The following ASH2L variants were observed in gnomAD, a reference collection of about 807,000 sequenced individuals.
ASH2L encodes ASH2 like, histone lysine methyltransferase complex subunit, also known as set1/Ash2 histone methyltransferase complex subunit ASH2.
A neutral mutation model predicts 81.1 loss-of-function variants in ASH2L; 30 were observed. That is an observed-to-expected ratio of 0.37 (90% CI 0.28 to 0.50). The LOEUF (loss-of-function observed/expected upper bound fraction) is 0.50. Among genes scored for constraint, ASH2L ranks in the 20% least tolerant of loss-of-function variants. ASH2L has a pLI of 0.95. For missense variants in ASH2L, 559 were observed against 792.1 expected (o/e 0.71, Z 3.53); for synonymous variants, 273 against 279.9 (o/e 0.98, Z 0.24).
At chr8:38,133,584 C>T (rs1230884016) in intron 13 of ASH2L, 38 bp downstream of exon 13, 1 of 1,472,392 alleles carries the variant, frequency 6.8e-7, no homozygotes. Context: ...ATCATAAGGC[C>T]TTGAGCGTTA....
rs940388451 is a variant in ASH2L, at chr8:38,120,156, A to G, written c.948-776A>G. The stretch of plus-strand genomic sequence containing the variant: ...CAAAACAAACCCAAGTTTAAGTGTC[A>G]TGTTTTACATTTAAGTGTACATACA... On this transcript the variant is annotated intron_variant, in intron 9 of 15. Transcript: ENST00000343823. Among the ~76,000 whole-genome samples, 28 of 152,162 alleles carry G rather than the reference A, an allele frequency of 1.8e-4. 1 individual carries two copies. Among genetic ancestry groups the G allele is most frequent in the Non-Finnish European group, 5.9e-5 (4 of 68,034 alleles).
intron 15 of ASH2L, 21 bp from the exon 16 acceptor site, chr8:38,138,943 T>C (rs759958309): frequency 6.2e-7 from 1 of 1,613,630 alleles, no homozygotes; most frequent in East Asian, 2.2e-5. Flanking sequence ...CACCGTGTTC[T>C]GTTTCTCATT....
At chr8:38,117,516 T>G (rs1810956456) in intron 8 of ASH2L, 2 of 982,508 alleles carry the variant, frequency 2.0e-6, no homozygotes, top group Middle Eastern at 5.2e-4. Flanking sequence ...CTTAAGTATT[T>G]TGTGGTTTGG....
In ASH2L at chr8:38,107,152, T is replaced by C. The variant is rs916238831; in HGVS notation, c.387T>C (p.Phe129=). ...CAAAATGGTTCACGGCTGACACATT[T>C]GGCATAGATACCTCGTGAGTACTTT... ...ICTKWFTADT[F]GIDTSSCLPF... Residue 129 remains phenylalanine, a synonymous_variant, in exon 3 of 16, where the codon TTT becomes TTC. Transcript: ENST00000343823. 3.7e-6 allele frequency: 6 copies of C among 1,614,154 alleles called. No homozygotes were observed. Among genetic ancestry groups the C allele is most frequent in the Non-Finnish European group, 3.4e-6 (4 of 1,180,014 alleles).
At chr8:38,135,636 G>A in intron 13 of ASH2L, 32 bp from the exon 14 acceptor site, 1 of 1,504,432 alleles carries the variant, frequency 6.6e-7, no homozygotes, top group Non-Finnish European at 9.2e-7. Flanking sequence ...CTTTTTTACA[G>A]TTCTGAAGTA....
chr8:38,124,403 C>CCT (rs1486911815), intron 10 of ASH2L: 1 of 152,074 alleles, frequency 6.6e-6, no homozygotes, highest in Non-Finnish European at 1.5e-5. Context: ...GACAAAGTCT[C>CCT]CTTCACTGTG....
chr8:38,127,142 A>G (rs1289612462), intron 10 of ASH2L, among the ~76,000 whole-genome samples: 1 of 143,490 alleles, frequency 7.0e-6, no homozygotes. Context: ...AGCCTGAGCA[A>G]CAGCATGAGA....
At chr8:38,106,059 G>C in intron 1 of ASH2L, 1 of 1,525,334 alleles carries the variant, frequency 6.6e-7, no homozygotes, top group East Asian at 2.5e-5. Context: ...GTGCCAGACT[G>C]GAAGAAGTAA....
At chr8:38,132,135 C>T (rs1013206799) in intron 12 of ASH2L, among the ~76,000 whole-genome samples, 5 of 152,176 alleles carry the variant, frequency 3.3e-5, no homozygotes, top group Non-Finnish European at 5.9e-5. Context: ...GCGTGAGCCA[C>T]TGCGCTCGGC....
In ASH2L at chr8:38,121,139, A is replaced by C. The variant is rs1236596079; in HGVS notation, c.1155A>C (p.Leu385=). 6.2e-7 allele frequency: 1 copy of C among 1,613,332 alleles called. No individual in the cohort carries two copies. The highest frequency in any genetic ancestry group is 1.7e-5 in the Admixed American group (1 of 59,936). Reference sequence around the variant, plus strand: ...TGTATGAACGGGTTTTGTTAGCCCTACATGATCGAGGTATGTAAAGTATTG... The same window carrying C: ...TGTATGAACGGGTTTTGTTAGCCCTCCATGATCGAGGTATGTAAAGTATTG... ...ACLYERVLLA[L]HDRAPQLKIS... The change falls in exon 10 of 16, where the codon CTA becomes CTC. Residue 385 remains leucine (L), a synonymous_variant. Coordinates refer to ENST00000343823, the MANE Select transcript of ASH2L (RefSeq NM_004674.5).
At chr8:38,130,245 T>A (rs1802003649) in intron 12 of ASH2L, among the ~76,000 whole-genome samples, 1 of 149,272 alleles carries the variant, frequency 6.7e-6, no homozygotes, top group Non-Finnish European at 1.5e-5. Flanking sequence ...TTTTTTTTTT[T>A]TAAGTTTAAA....
chr8:38,112,417 C>G (rs983023797), intron 5 of ASH2L, among the ~76,000 whole-genome samples: 3 of 151,734 alleles, frequency 2.0e-5, no homozygotes, highest in Admixed American at 2.0e-4. Context: ...TGATTATGTT[C>G]AGGTTAAACT....
intron 13 of ASH2L, 86 bp downstream of exon 13, chr8:38,133,632 G>A (rs2130575935): frequency 1.8e-6 from 2 of 1,081,788 alleles, no homozygotes; most frequent in African/African-American, 1.6e-5. Context: ...GGAACACGAG[G>A]CCCAAAGGGG....
In ASH2L at chr8:38,105,756, C is replaced by G. The variant is rs1208244777; in HGVS notation, c.188+18C>G. 6.6e-7 allele frequency: 1 copy of G among 1,504,548 alleles called. No homozygotes were observed. Among genetic ancestry groups the G allele is most frequent in the Non-Finnish European group, 8.8e-7 (1 of 1,130,246 alleles). The allele number at this position is 1,504,548 out of a possible 1,614,324, so 93.2% of individuals were successfully genotyped here. A position where few individuals can be genotyped will look rare whatever the true frequency, so the allele number is the denominator to read the frequency against. On this transcript the variant is annotated intron_variant, in intron 1 of 15. Coordinates refer to ENST00000343823, the MANE Select transcript of ASH2L (RefSeq NM_004674.5). ...GAAGGCGGGTAAGAGGTCCTGCCGCCCGAGGAAGACGCGGGAGGGAGGCCC... is the reference window on the plus strand; with the variant it reads ...GAAGGCGGGTAAGAGGTCCTGCCGCGCGAGGAAGACGCGGGAGGGAGGCCC...
chr8:38,110,329 G>A, intron 3 of ASH2L, 50 bp from the exon 4 acceptor site: 1 of 1,372,004 alleles, frequency 7.3e-7, no homozygotes, highest in Non-Finnish European at 1.0e-6. Flanking sequence ...AGAAAAAGAA[G>A]TGTGTGTGTT....
At chr8:38,106,532 G>A in intron 2 of ASH2L, 88 bp downstream of exon 2, 1 of 1,158,376 alleles carries the variant, frequency 8.6e-7, no homozygotes, top group Non-Finnish European at 1.2e-6. Context: ...TGTTGCGACG[G>A]AGCCTTGCTC....
intron 12 of ASH2L, among the ~76,000 whole-genome samples, chr8:38,130,030 A>G (rs999308568): frequency 6.6e-6 from 1 of 152,160 alleles, no homozygotes; most frequent in Non-Finnish European, 1.5e-5. Flanking sequence ...AGTTGCTGAC[A>G]TTTATGATTG....
Position 38,139,311 on chromosome 8 carries a change from A to G in ASH2L, c.*240A>G. 1 of 449,626 alleles carries G rather than the reference A, an allele frequency of 2.2e-6. No individual in the cohort carries two copies. The highest frequency in any genetic ancestry group is 4.3e-5 in the South Asian group (1 of 23,498). The allele number at this position is 449,626 out of a possible 1,614,324, so 27.9% of individuals were successfully genotyped here. ...CAACAACCGCTGACTCCAGGATTGC[A>G]TAAGCCCCCTGTGAAATCGGTGCTG... On this transcript the variant is annotated 3_prime_UTR_variant, in exon 16 of 16. Transcript: ENST00000343823.
intron 10 of ASH2L, 26 bp from the exon 11 acceptor site, chr8:38,128,265 C>G (rs376842262): frequency 4.8e-5 from 77 of 1,613,012 alleles, no homozygotes; most frequent in Middle Eastern, 1.6e-4. Context: ...AAGTTGCAGG[C>G]CTTCTTTTAA....
Sources: allele counts gnomAD v4.1 joint callset (sites outside exome capture counted in the v4.1 genomes callset), GRCh38; gene constraint gnomAD v4.1.1; transcripts MANE v1.5; gene names NCBI Gene and HGNC (gene_info 2026-07-23, HGNC 2026-07-21).